The following CDK6 variants were observed in gnomAD, a reference collection of about 807,000 sequenced individuals.
CDK6 encodes cyclin-dependent kinase 6.
A neutral mutation model predicts 37.1 loss-of-function variants in CDK6; 6 were observed. The observed-to-expected ratio is 0.16, with a 90% CI of 0.09 to 0.32. The LOEUF (loss-of-function observed/expected upper bound fraction) is 0.32, where lower values mean the gene tolerates loss of function less well. Among genes scored for constraint, CDK6 ranks in the 10% least tolerant of loss-of-function variants. CDK6 has a pLI of 1.00. For synonymous variants in CDK6, 160 were observed against 161.3 expected (o/e 0.99, Z 0.06); for missense variants, 224 against 418.9 (o/e 0.53, Z 4.06).
Position 92,606,279 on chromosome 7 carries a change from G to A in CDK6, c.*8861C>T, listed in dbSNP as rs1380280879. On this transcript the variant is annotated 3_prime_UTR_variant, in exon 8 of 8. Coordinates refer to ENST00000424848, the MANE Select transcript of CDK6 (RefSeq NM_001145306.2). ...TAAAAATCAAGATGCATACAAAGAT[G>A]CTAGAGGCATTTCTAATGGGTGCCA... 1 of 233,276 alleles carries A rather than the reference G, an allele frequency of 4.3e-6. No homozygotes were observed. Among genetic ancestry groups the A allele is most frequent in the Non-Finnish European group, 8.5e-6 (1 of 117,906 alleles). The allele number at this position is 233,276 out of a possible 1,614,324, so 14.5% of individuals were successfully genotyped here.
rs967862109 is a variant in CDK6, at chr7:92,696,603, G to A, written c.538-25068C>T. On this transcript the variant is annotated intron_variant, in intron 4 of 7. Coordinates refer to ENST00000424848, the MANE Select transcript of CDK6 (RefSeq NM_001145306.2). ...GAAAAAACTGGTTTGATATGTCAGGGACCAGATCAAATGATTTACTTTGAA... is the reference window on the plus strand; with the variant it reads ...GAAAAAACTGGTTTGATATGTCAGGAACCAGATCAAATGATTTACTTTGAA... 2.0e-5 allele frequency among the ~76,000 whole-genome samples: 3 copies of A among 152,114 alleles called. No homozygotes were observed. The South Asian group carries it at 6.2e-4, about 32-fold the overall frequency.
At chr7:92,787,103 A>C (rs1347731621) in intron 2 of CDK6, among the ~76,000 whole-genome samples, 1 of 149,962 alleles carries the variant, frequency 6.7e-6, no homozygotes, top group African/African-American at 2.5e-5. Flanking sequence ...AATCACTTGA[A>C]CCTGGGAGGC....
chr7:92,671,394 G>A (rs755734534), intron 5 of CDK6, 32 bp downstream of exon 5: 1 of 1,360,218 alleles, frequency 7.4e-7, no homozygotes, highest in Non-Finnish European at 1.0e-6. Context: ...TCTTTTCAAG[G>A]AAAGCAGAGT....
At chr7:92,662,567 G>A (rs1796863762) in intron 5 of CDK6, among the ~76,000 whole-genome samples, 1 of 152,190 alleles carries the variant, frequency 6.6e-6, no homozygotes, top group African/African-American at 2.4e-5. Context: ...CATGAGAAGG[G>A]AGAAGAAAAC....
chr7:92,811,060 A>G (rs1436010074), intron 2 of CDK6, among the ~76,000 whole-genome samples: 2 of 151,590 alleles, frequency 1.3e-5, no homozygotes, highest in Admixed American at 6.6e-5. Context: ...AGCGCCAAAG[A>G]AAAAAAAAGG....
At chr7:92,799,845 A>T (rs1285200075) in intron 2 of CDK6, among the ~76,000 whole-genome samples, 2 of 152,156 alleles carry the variant, frequency 1.3e-5, no homozygotes, top group Non-Finnish European at 2.9e-5. Context: ...TGGAGCTCTC[A>T]ATTTCCTGAA....
chr7:92,622,234 A>G (rs1454736301), intron 6 of CDK6, among the ~76,000 whole-genome samples: 7 of 152,196 alleles, frequency 4.6e-5, no homozygotes, highest in Non-Finnish European at 8.8e-5. Context: ...TAGAAACATG[A>G]ATGCATACAT....
chr7:92,639,279 C>T (rs575211822), intron 5 of CDK6, among the ~76,000 whole-genome samples: 3 of 152,098 alleles, frequency 2.0e-5, no homozygotes, highest in Non-Finnish European at 4.4e-5. Context: ...TGAACAATAG[C>T]GACATTATTA....
At chr7:92,705,671 C>T (rs1217644385) in intron 4 of CDK6, among the ~76,000 whole-genome samples, 1 of 152,094 alleles carries the variant, frequency 6.6e-6, no homozygotes, top group Admixed American at 6.5e-5. Context: ...GTGGCCAAAC[C>T]ACACCTTTAC....
chr7:92,622,191 T>A (rs1005731636), intron 6 of CDK6, among the ~76,000 whole-genome samples: 1 of 152,150 alleles, frequency 6.6e-6, no homozygotes, highest in Non-Finnish European at 1.5e-5. Context: ...CCACACTGCA[T>A]GCTTTGTCAG....
At chr7:92,683,950 G>A (rs1006584923) in intron 4 of CDK6, among the ~76,000 whole-genome samples, 1 of 152,130 alleles carries the variant, frequency 6.6e-6, no homozygotes, top group African/African-American at 2.4e-5. Flanking sequence ...ATTACTGTGG[G>A]GCCTTGTAAT....
At chr7:92,752,620 C>T (rs910500684) in intron 3 of CDK6, among the ~76,000 whole-genome samples, 7 of 152,122 alleles carry the variant, frequency 4.6e-5, no homozygotes, top group African/African-American at 1.4e-4. Flanking sequence ...ATGAAATACG[C>T]CATTTTATAA....
intron 3 of CDK6, among the ~76,000 whole-genome samples, chr7:92,774,364 G>A (rs527709000): frequency 6.6e-6 from 1 of 152,126 alleles, no homozygotes; most frequent in Non-Finnish European, 1.5e-5. Flanking sequence ...AGAAGACTGA[G>A]CTATACTTAC....
In CDK6 at chr7:92,639,925, T is replaced by C. The variant is rs551856321; in HGVS notation, c.648-16839A>G. On this transcript the variant is annotated intron_variant, in intron 5 of 7. Transcript: ENST00000424848. ...CCAGTGAAAGCCAAAAAGGAAAATA[T>C]AAGCAAATTCAAATTATGGTATAAT... Among the ~76,000 whole-genome samples, 3 of 152,348 alleles carry C rather than the reference T, an allele frequency of 2.0e-5. No homozygotes were observed. The South Asian group carries it at 6.2e-4, about 32-fold the overall frequency.
rs559517363 is a variant in CDK6 at position 92,834,312 on chromosome 7, T to C, written c.-367-622A>G. On this transcript the variant is annotated intron_variant, in intron 1 of 7. Transcript: ENST00000424848. The surrounding 1 kb of genome is among the most constrained non-coding windows in gnomAD (Gnocchi z 4.6). ...GCTTCCTTTCTTTCTACTTTCAGTTTTTCTACGAGGAGACATTTAAAAACG... is the reference window on the plus strand; with the variant it reads ...GCTTCCTTTCTTTCTACTTTCAGTTCTTCTACGAGGAGACATTTAAAAACG... Among the ~76,000 whole-genome samples the C allele has an allele frequency of 1.3e-5, 2 of 152,266 alleles. No individual in the cohort carries two copies. The highest frequency in any genetic ancestry group is 1.3e-4 in the Admixed American group (2 of 15,292).
chr7:92,648,250 C>CAAGA (rs1796495143), intron 5 of CDK6, among the ~76,000 whole-genome samples: 1 of 152,156 alleles, frequency 6.6e-6, no homozygotes, highest in Non-Finnish European at 1.5e-5. Flanking sequence ...GTCTCTAACC[C>CAAGA]AAGAGTCTTG....
chr7:92,825,484 A>C (rs548950595), intron 2 of CDK6, among the ~76,000 whole-genome samples: 144 of 151,678 alleles, frequency 9.5e-4, no homozygotes, highest in Admixed American at 6.2e-3. Flanking sequence ...ACACACACAC[A>C]CCCCAACCAT....
chr7:92,750,649 C>T (rs535460322), intron 3 of CDK6, among the ~76,000 whole-genome samples: 6 of 152,114 alleles, frequency 3.9e-5, no homozygotes, highest in Non-Finnish European at 7.4e-5. Context: ...AATGAATTTA[C>T]GTCACAATGT....
intron 6 of CDK6, 99 bp from the exon 7 acceptor site, chr7:92,618,306 G>A (rs3731372): frequency 1.1e-5 from 13 of 1,195,268 alleles, no homozygotes; most frequent in Admixed American, 3.9e-5. Context: ...GGGGAGACAT[G>A]GGGGGCAGAG....
Sources: allele counts gnomAD v4.1 joint callset (sites outside exome capture counted in the v4.1 genomes callset), GRCh38; gene constraint gnomAD v4.1.1; non-coding constraint Gnocchi (gnomAD v3.1); transcripts MANE v1.5; gene names NCBI Gene and HGNC (gene_info 2026-07-23, HGNC 2026-07-21).